The following PTPN22 variants were observed in gnomAD, a reference collection of about 807,000 sequenced individuals.
The protein encoded by PTPN22 is tyrosine-protein phosphatase non-receptor type 22.
Under a neutral mutation model 103.3 loss-of-function variants are expected in PTPN22, and 85 were observed. The observed-to-expected ratio is 0.82, with a 90% confidence interval of 0.69 to 0.99. The LOEUF (loss-of-function observed/expected upper bound fraction) is 0.99, where lower values mean the gene tolerates loss of function less well. Among genes scored for constraint, PTPN22 ranks in the 50% least tolerant of loss-of-function variants. The pLI is 0.00. For synonymous variants in PTPN22, 323 were observed against 310.2 expected (o/e 1.04, Z -0.43); for missense variants, 865 against 936.9 (o/e 0.92, Z 1.00).
chr1:113,846,041 T>C (rs971301884), intron 11 of PTPN22, among the ~76,000 whole-genome samples: 1 of 152,244 alleles, frequency 6.6e-6, no homozygotes. Flanking sequence ...AGACAACATA[T>C]AGTTGAATTG....
At chr1:113,868,695 T>C (rs1400779897) in intron 1 of PTPN22, among the ~76,000 whole-genome samples, 1 of 151,856 alleles carries the variant, frequency 6.6e-6, no homozygotes, top group Admixed American at 6.6e-5. Context: ...AAAGTCAGGA[T>C]AGTGATTATC....
At chr1:113,869,473 C>T (rs1666395127) in intron 1 of PTPN22, among the ~76,000 whole-genome samples, 1 of 151,776 alleles carries the variant, frequency 6.6e-6, no homozygotes, top group Non-Finnish European at 1.5e-5. Context: ...CAGTTCACTG[C>T]AACCTCTGCC....
chr1:113,861,462 G>A (rs1277836139), intron 1 of PTPN22, among the ~76,000 whole-genome samples: 1 of 152,120 alleles, frequency 6.6e-6, no homozygotes, highest in Admixed American at 6.6e-5. Flanking sequence ...GGATGGTCTG[G>A]AACTCCTGAC....
At chr1:113,835,434 C>T (rs1215599463) in intron 13 of PTPN22, among the ~76,000 whole-genome samples, 1 of 152,044 alleles carries the variant, frequency 6.6e-6, no homozygotes, top group Non-Finnish European at 1.5e-5. Flanking sequence ...GGGAGAATGG[C>T]GTGAACCCGG....
rs765276978 is a variant in PTPN22 at position 113,814,946 on chromosome 1, GT to G, written c.2382del (p.Lys794AsnfsTer21). ...GGTGGTGGATTCCTTGGTCCTTTGGGTTTTGAAAAACGGTTTGCAAAACCTG... is the reference window on the plus strand; with the variant it reads ...GGTGGTGGATTCCTTGGTCCTTTGGGTTTGAAAAACGGTTTGCAAAACCTG... On this transcript the variant is annotated frameshift_variant, in exon 21 of 21. Transcript: ENST00000359785. LOFTEE classifies it high-confidence loss of function. The G allele has an allele frequency of 1.2e-6, 2 of 1,607,514 alleles. No individual in the cohort carries two copies. Among genetic ancestry groups the G allele is most frequent in the Admixed American group, 3.4e-5 (2 of 58,966 alleles).
chr1:113,836,806 G>C (rs951829894), intron 13 of PTPN22, among the ~76,000 whole-genome samples: 6 of 151,756 alleles, frequency 4.0e-5, no homozygotes, highest in Admixed American at 3.9e-4. Context: ...TGTCCCTGTG[G>C]TCCCAGCTAC....
At chr1:113,857,598 C>A in intron 5 of PTPN22, 140 bp downstream of exon 5, 1 of 678,906 alleles carries the variant, frequency 1.5e-6, no homozygotes, top group South Asian at 2.2e-5. Flanking sequence ...CTGAGAATCA[C>A]GTGGCATTCC....
chr1:113,856,712 C>T (rs1342766792), intron 5 of PTPN22, 93 bp from the exon 6 acceptor site: 1 of 1,563,078 alleles, frequency 6.4e-7, no homozygotes, highest in South Asian at 1.2e-5. Context: ...CTATGTCCTT[C>T]ACCTTAGGTT....
chr1:113,829,821 T>A (rs564987393), intron 17 of PTPN22, 114 bp from the exon 18 acceptor site: 21 of 1,193,272 alleles, frequency 1.8e-5, no homozygotes, highest in Non-Finnish European at 2.4e-5. Context: ...GACTATATAT[T>A]AGGGGCTTTT....
At chr1:113,841,583 C>T (rs1262146438) in intron 11 of PTPN22, among the ~76,000 whole-genome samples, 1 of 148,626 alleles carries the variant, frequency 6.7e-6, no homozygotes, top group East Asian at 2.0e-4. Context: ...AACTCAACAA[C>T]ATGTAAACAA....
intron 4 of PTPN22, 101 bp downstream of exon 4, chr1:113,858,377 C>G: frequency 1.3e-6 from 1 of 769,424 alleles, no homozygotes; most frequent in Non-Finnish European, 2.0e-6. Flanking sequence ...GTGATTCTGA[C>G]TAAAAGATGC....
chr1:113,829,629 G>C (rs1386459392), exon 18 of PTPN22: 3 of 1,606,954 alleles, frequency 1.9e-6, no homozygotes, highest in African/African-American at 1.3e-5. Flanking sequence ...AGTCTTCAGT[G>C]TCTGTTTTGA....
chr1:113,825,469 A>T (rs1465359491), intron 18 of PTPN22, among the ~76,000 whole-genome samples: 2 of 152,146 alleles, frequency 1.3e-5, no homozygotes, highest in Non-Finnish European at 2.9e-5. Flanking sequence ...AGGCCAAGGC[A>T]GGAGGATTGT....
chr1:113,871,481 A>C, intron 1 of PTPN22, 56 bp downstream of exon 1: 1 of 1,464,510 alleles, frequency 6.8e-7, no homozygotes, highest in South Asian at 1.1e-5. Flanking sequence ...TTGGACCCCC[A>C]TAGTCAGTTA....
chr1:113,838,324 G>T (rs770698422), exon 13 of PTPN22: 1 of 1,611,832 alleles, frequency 6.2e-7, no homozygotes, highest in Non-Finnish European at 8.5e-7. Flanking sequence ...ACTTATTTCA[G>T]AAGTCCTAAA....
intron 10 of PTPN22, 34 bp from the exon 11 acceptor site, chr1:113,848,660 C>G (rs35281969): frequency 1.4e-5 from 22 of 1,575,482 alleles, no homozygotes; most frequent in Non-Finnish European, 1.8e-5. Flanking sequence ...CAAATGAAAA[C>G]AAAAACAAAA....
chr1:113,843,067 T>C (rs1663716346), intron 11 of PTPN22, among the ~76,000 whole-genome samples: 1 of 109,216 alleles, frequency 9.2e-6, no homozygotes, highest in African/African-American at 3.9e-5. Context: ...GCCACTGCAC[T>C]CCAGCCTGGG....
In PTPN22 at chr1:113,845,446, G is replaced by A. The variant is rs369676697; in HGVS notation, c.915+3094C>T. Among the ~76,000 whole-genome samples the A allele has an allele frequency of 1.4e-3, 220 of 151,888 alleles. 7 individuals carry two copies. The South Asian group carries it at 0.044, about 30-fold the overall frequency. ...TCAAATTCCTGACCTCATGTGATCC[G>A]TCTGTCTTGGCCTCCCAAAGTGCTG... On this transcript the variant is annotated intron_variant, in intron 11 of 20. Coordinates refer to ENST00000359785, the Ensembl canonical transcript of PTPN22.
chr1:113,814,965 A>G, exon 21 of PTPN22: 2 of 1,603,998 alleles, frequency 1.2e-6, no homozygotes, highest in South Asian at 1.1e-5. Flanking sequence ...AACGGTTTGC[A>G]AAACCTGGGA....
Sources: allele counts gnomAD v4.1 joint callset (sites outside exome capture counted in the v4.1 genomes callset), GRCh38; gene constraint gnomAD v4.1.1; transcripts MANE v1.5; gene names NCBI Gene and HGNC (gene_info 2026-07-23, HGNC 2026-07-21).